Variants in DCLK1 observed in about 807,000 individuals in gnomAD.
The protein encoded by DCLK1 is serine/threonine-protein kinase DCLK1.
A neutral mutation model predicts 86.2 loss-of-function variants in DCLK1; 16 were observed. The observed-to-expected ratio is 0.19, with a 90% CI of 0.13 to 0.28. The LOEUF is 0.28. DCLK1 is among the 10% of genes least tolerant of loss of function. DCLK1 has a pLI of 1.00. For synonymous variants in DCLK1, 369 were observed against 370.5 expected, an observed-to-expected ratio of 1.00 and a Z score of 0.05; for missense variants, 590 against 940.2, an observed-to-expected ratio of 0.63 and a Z score of 4.87.
intron 15 of DCLK1, among the ~76,000 whole-genome samples, chr13:35,793,923 C>T (rs1487829460): frequency 6.6e-6 from 1 of 152,182 alleles, no homozygotes; most frequent in African/African-American, 2.4e-5. Flanking sequence ...TGGGCTTCTG[C>T]ATGGCCCATA....
chr13:35,828,140 C>G (rs1056393894), intron 9 of DCLK1, 110 bp downstream of exon 9: 1 of 853,638 alleles, frequency 1.2e-6, no homozygotes, highest in Non-Finnish European at 1.9e-6. Context: ...ACATTCTATT[C>G]CACCAAAATT....
At chr13:35,944,945 A>C (rs12863346) in intron 4 of DCLK1, among the ~76,000 whole-genome samples, 23,646 of 152,042 alleles carry the variant, frequency 0.16, 2,124 homozygotes, top group East Asian at 0.22. Flanking sequence ...CTTGTTACCC[A>C]GGCTGGAGTG....
At chr13:35,962,452 A>G (rs1183142468) in intron 3 of DCLK1, among the ~76,000 whole-genome samples, 1 of 152,158 alleles carries the variant, frequency 6.6e-6, no homozygotes, top group Non-Finnish European at 1.5e-5. Flanking sequence ...AGGCCTGGGA[A>G]TGATTCTCCC....
At chr13:35,847,243 T>G in intron 6 of DCLK1, 1 of 985,288 alleles carries the variant, frequency 1.0e-6, no homozygotes, top group Non-Finnish European at 1.2e-6. Context: ...TTTGAACCAT[T>G]TGCCATACCA....
chr13:35,783,689 A>G (rs2086570501), intron 16 of DCLK1, among the ~76,000 whole-genome samples: 2 of 151,996 alleles, frequency 1.3e-5, no homozygotes, highest in African/African-American at 2.4e-5. Context: ...GGCCCAAATG[A>G]TTCTCCTGCC....
chr13:35,981,877 TG>T (rs1439749481), intron 3 of DCLK1, among the ~76,000 whole-genome samples: 1 of 152,200 alleles, frequency 6.6e-6, no homozygotes, highest in African/African-American at 2.4e-5. Context: ...CTCTTTTCCA[TG>T]GTGGCTGCAC....
chr13:35,916,862 C>A (rs1875446238), intron 4 of DCLK1, among the ~76,000 whole-genome samples: 1 of 152,156 alleles, frequency 6.6e-6, no homozygotes, highest in Admixed American at 6.5e-5. Context: ...TGCAGGAAGG[C>A]CTCTCAGACC....
At chr13:35,877,641 T>C (rs1593690579) in intron 4 of DCLK1, among the ~76,000 whole-genome samples, 1 of 152,310 alleles carries the variant, frequency 6.6e-6, no homozygotes, top group East Asian at 1.9e-4. Flanking sequence ...CCTCTTAATA[T>C]ATCTCAACTC....
At chr13:35,928,441 A>G (rs1158670728) in intron 4 of DCLK1, among the ~76,000 whole-genome samples, 1 of 151,918 alleles carries the variant, frequency 6.6e-6, no homozygotes, top group Admixed American at 6.6e-5. Context: ...ATTACCCCTC[A>G]AGTCTTTGCT....
intron 15 of DCLK1, among the ~76,000 whole-genome samples, chr13:35,803,890 A>T (rs984388118): frequency 2.0e-5 from 3 of 152,126 alleles, no homozygotes; most frequent in Admixed American, 2.0e-4. Context: ...GACCACGTCC[A>T]TATATATATT....
chr13:35,827,877 T>G, intron 9 of DCLK1, 123 bp from the exon 10 acceptor site: 1 of 1,166,226 alleles, frequency 8.6e-7, no homozygotes, highest in East Asian at 2.4e-5. Context: ...GTAATAAGCC[T>G]GTCTTATATT....
intron 5 of DCLK1, among the ~76,000 whole-genome samples, chr13:35,863,229 A>T (rs1220662453): frequency 6.6e-6 from 1 of 152,230 alleles, no homozygotes; most frequent in African/African-American, 2.4e-5. Context: ...ACACATCCCC[A>T]TCATCAAGCA....
intron 8 of DCLK1, among the ~76,000 whole-genome samples, chr13:35,828,806 T>C (rs527414143): frequency 6.6e-6 from 1 of 152,248 alleles, no homozygotes; most frequent in East Asian, 1.9e-4. Flanking sequence ...TCCCCTTTCC[T>C]CAAGTCTCTC....
chr13:35,948,791 C>T (rs766343018), intron 3 of DCLK1, among the ~76,000 whole-genome samples: 5 of 152,142 alleles, frequency 3.3e-5, no homozygotes, highest in Non-Finnish European at 7.4e-5. Flanking sequence ...AGCTTAAAAA[C>T]ACAGGGGATT....
At position 35,774,591 on chromosome 13, in the gene DCLK1, C is replaced by G. The variant is rs773678179; in HGVS notation, c.2167G>C (p.Glu723Gln). The G allele has an allele frequency of 2.5e-6, 4 of 1,578,624 alleles. No individual in the cohort carries two copies. In the South Asian group the frequency reaches 4.6e-5, roughly 18 times the overall value. The change falls in exon 17 of 17, where the codon GAA becomes CAA. Residue 723 changes from glutamate (E) to glutamine (Q), a missense_variant. Coordinates refer to ENST00000360631, the MANE Select transcript of DCLK1 (RefSeq NM_001330071.2). Reference sequence around the variant, plus strand: ...TCGGAGGAGCTTGGGGAGTAGTCTTCCGATTCCGAGTTGAGTTCGGGAGGA... The same window carrying G: ...TCGGAGGAGCTTGGGGAGTAGTCTTGCGATTCCGAGTTGAGTTCGGGAGGA... ...PAPPELNSES[E>Q]DYSPSSSETV... is the part of the protein sequence containing the mutation.
intron 4 of DCLK1, among the ~76,000 whole-genome samples, chr13:35,944,899 TTTTA>T (rs965568801): frequency 7.9e-5 from 12 of 152,026 alleles, no homozygotes; most frequent in African/African-American, 2.4e-4. Flanking sequence ...TTTTTTATTC[TTTTA>T]TTTATTTATT....
At position 35,806,951 on chromosome 13, in the gene DCLK1, T is replaced by C. The variant is rs80329507; in HGVS notation, c.1864-1172A>G. 6.5e-3 allele frequency among the ~76,000 whole-genome samples: 988 copies of C among 152,316 alleles called. 9 individuals carry two copies. The highest frequency in any genetic ancestry group is 0.023 in the African/African-American group (945 of 41,570). ...CATCATTTTCTACACAAAGTGGTCA[T>C]GTCTGAGGGGTTGGCTTTTAAAGGG... On this transcript the variant is annotated intron_variant, in intron 14 of 16. Coordinates refer to ENST00000360631, the MANE Select transcript of DCLK1 (RefSeq NM_001330071.2).
At chr13:36,052,024 C>G (rs1298031355) in intron 3 of DCLK1, among the ~76,000 whole-genome samples, 1 of 152,150 alleles carries the variant, frequency 6.6e-6, no homozygotes, top group Non-Finnish European at 1.5e-5. Flanking sequence ...CTGAGCCCCC[C>G]AGGTGATTTG....
At chr13:35,885,334 T>C (rs1321924754) in intron 4 of DCLK1, among the ~76,000 whole-genome samples, 1 of 152,152 alleles carries the variant, frequency 6.6e-6, no homozygotes, top group Non-Finnish European at 1.5e-5. Flanking sequence ...CTTCAGACTA[T>C]ACTAGAACAA....
Sources: gnomAD v4.1 joint callset for allele counts (sites outside exome capture counted in the v4.1 genomes callset) on GRCh38, gnomAD v4.1.1 for gene constraint, MANE v1.5 for transcripts, NCBI Gene and HGNC (gene_info 2026-07-23, HGNC 2026-07-21) for gene names.